The following SYNE2 variants were observed in gnomAD, a reference collection of about 807,000 sequenced individuals.
SYNE2 encodes the protein nesprin-2.
A neutral mutation model predicts 856.3 loss-of-function variants in SYNE2; 431 were observed. That is an observed-to-expected ratio of 0.50 (90% confidence interval 0.47 to 0.55). The LOEUF (loss-of-function observed/expected upper bound fraction) is 0.55, where lower values mean the gene tolerates loss of function less well. SYNE2 is among the 20% of genes least tolerant of loss of function. The pLI, the probability that SYNE2 is intolerant of heterozygous loss-of-function variation, is 0.00. For missense variants in SYNE2, 8,129 were observed against 8,023.2 expected (o/e 1.01, Z -0.50); for synonymous variants, 2,923 against 2,872.3 (o/e 1.02, Z -0.56).
rs576146192 is a variant in SYNE2 at position 63,934,755 on chromosome 14, G to C, written c.80-5859G>C. Among the ~76,000 whole-genome samples the C allele has an allele frequency of 5.3e-5, 8 of 152,158 alleles. No homozygotes were observed. The South Asian group carries it at 1.7e-3, about 32-fold the overall frequency. ...GTCTCTTGGACCTGATACTATTGCT[G>C]ATTAGTTTCTTTTTTACACCTTATC... On this transcript the variant is annotated intron_variant, in intron 2 of 115. Coordinates refer to ENST00000555002, the MANE Select transcript of SYNE2 (RefSeq NM_182914.3).
chr14:64,050,137 G>A (rs750493667), intron 47 of SYNE2, among the ~76,000 whole-genome samples: 9 of 152,338 alleles, frequency 5.9e-5, no homozygotes, highest in Non-Finnish European at 1.2e-4. Flanking sequence ...GGCAGCAGAA[G>A]ATTCAGCATC....
chr14:64,129,046 G>A (rs563075569), intron 74 of SYNE2, among the ~76,000 whole-genome samples: 233 of 152,212 alleles, frequency 1.5e-3, no homozygotes, highest in Non-Finnish European at 2.4e-3. Context: ...GGTGGCTCAC[G>A]CCTGTAATCC....
intron 1 of SYNE2, among the ~76,000 whole-genome samples, chr14:63,821,285 A>C (rs1347140892): frequency 1.3e-5 from 2 of 152,194 alleles, no homozygotes; most frequent in Non-Finnish European, 2.9e-5. Flanking sequence ...GATCTATTAA[A>C]GTTAATTTCA....
intron 2 of SYNE2, among the ~76,000 whole-genome samples, chr14:63,930,316 G>A (rs1005363441): frequency 6.6e-6 from 1 of 150,438 alleles, no homozygotes; most frequent in Non-Finnish European, 1.5e-5. Flanking sequence ...TGAGATGGTT[G>A]TACAGCTTTG....
chr14:64,001,215 C>T (rs1470093504), intron 28 of SYNE2, among the ~76,000 whole-genome samples: 1 of 152,058 alleles, frequency 6.6e-6, no homozygotes, highest in Non-Finnish European at 1.5e-5. Context: ...ATTCTTTGGA[C>T]CCCATTATAT....
chr14:63,797,623 G>A (rs2139785687), intron 1 of SYNE2, among the ~76,000 whole-genome samples: 1 of 152,282 alleles, frequency 6.6e-6, no homozygotes, highest in East Asian at 1.9e-4. Context: ...TGTATTTTCA[G>A]TAGAGACGGG....
At chr14:64,102,087 AG>A in intron 64 of SYNE2, 45 bp downstream of exon 64, 8 of 1,309,990 alleles carry the variant, frequency 6.1e-6, no homozygotes, top group East Asian at 2.3e-5. Context: ...ACGAGGGCCC[AG>A]GGGGGAGCAG....
chr14:64,079,034 T>C lies in SYNE2; in HGVS notation c.11163+428T>C, dbSNP rs140873984. Among the ~76,000 whole-genome samples, 830 of 152,286 alleles carry C rather than the reference T, an allele frequency of 5.5e-3. 10 individuals carry two copies. The highest frequency in any genetic ancestry group is 0.019 in the African/African-American group (810 of 41,548). ...TTGCAATGAGCCGAGATCATGTCACTGCACTCCAGTGTGGGTGACAGAGTG... is the reference window on the plus strand; with the variant it reads ...TTGCAATGAGCCGAGATCATGTCACCGCACTCCAGTGTGGGTGACAGAGTG... On this transcript the variant is annotated intron_variant, in intron 55 of 115. Coordinates refer to ENST00000555002, the MANE Select transcript of SYNE2 (RefSeq NM_182914.3).
intron 45 of SYNE2, among the ~76,000 whole-genome samples, chr14:64,035,780 G>T (rs2097083600): frequency 6.6e-6 from 1 of 151,746 alleles, no homozygotes; most frequent in Non-Finnish European, 1.5e-5. Context: ...CTGCAGCCTT[G>T]AGTTCCTAAC....
At chr14:64,038,877 G>A (rs548734004) in intron 45 of SYNE2, among the ~76,000 whole-genome samples, 1 of 70,012 alleles carries the variant, frequency 1.4e-5, no homozygotes, top group Non-Finnish European at 3.9e-5. Flanking sequence ...AGAGGGAGAG[G>A]GAGAGGGAGA....
At chr14:64,100,505 A>T (rs2097713105) in intron 63 of SYNE2, 1 of 98,080 alleles carries the variant, frequency 1.0e-5, no homozygotes, top group African/African-American at 4.2e-5. Flanking sequence ...GACAAGAGCA[A>T]AACTGTCTCA....
chr14:63,959,591 G>A (rs892573999), intron 8 of SYNE2, among the ~76,000 whole-genome samples: 4 of 151,968 alleles, frequency 2.6e-5, no homozygotes, highest in African/African-American at 7.3e-5. Flanking sequence ...GCCACCGTAC[G>A]TGGCCTGCCT....
At chr14:63,944,824 CT>C (rs55906748) in intron 6 of SYNE2, among the ~76,000 whole-genome samples, 85 of 46,942 alleles carry the variant, frequency 1.8e-3, no homozygotes, top group East Asian at 4.1e-3. Flanking sequence ...GGGCTTAAAG[CT>C]TTTTTTTTTT....
At chr14:64,122,221 C>G in intron 69 of SYNE2, 65 bp from the exon 70 acceptor site, 1 of 1,613,898 alleles carries the variant, frequency 6.2e-7, no homozygotes, top group Middle Eastern at 1.6e-4. Context: ...GCTCATAGAA[C>G]TGTGAATGTA....
intron 105 of SYNE2, among the ~76,000 whole-genome samples, chr14:64,213,833 C>G (rs994179558): frequency 6.6e-6 from 1 of 152,166 alleles, no homozygotes; most frequent in East Asian, 1.9e-4. Context: ...ATTCAAATGT[C>G]CTTTTCAAAA....
chr14:64,130,282 A>T, intron 76 of SYNE2, 34 bp downstream of exon 76: 1 of 1,539,594 alleles, frequency 6.5e-7, no homozygotes, highest in Non-Finnish European at 8.9e-7. Flanking sequence ...TGACCCCTTC[A>T]TAGACTAAAA....
rs369808458 is a variant in SYNE2, at chr14:64,219,124, T to TTTTTTTTTTTA, written c.19658-84_19658-83insTTTTTTTTTTA. ...TTTTTGTTTTTTTTTTTTTTTTTTT[T>TTTTTTTTTTTA]AACCACCCTGACCCCTAATTAGCTG... On this transcript the variant is annotated intron_variant, in intron 109 of 115. Coordinates refer to ENST00000555002, the MANE Select transcript of SYNE2 (RefSeq NM_182914.3). 3.0e-5 allele frequency: 25 copies of TTTTTTTTTTTA among 846,458 alleles called. 1 individual carries two copies. The highest frequency in any genetic ancestry group is 9.1e-5 in the East Asian group (3 of 32,806). 52.4% of individuals were successfully genotyped at this position (846,458 alleles called of 1,614,324 possible).
chr14:63,804,668 T>A (rs541819940), intron 1 of SYNE2, among the ~76,000 whole-genome samples: 20 of 152,240 alleles, frequency 1.3e-4, no homozygotes, highest in African/African-American at 4.6e-4. Flanking sequence ...TAACTTTGTA[T>A]TCTTAGTAGA....
intron 1 of SYNE2, among the ~76,000 whole-genome samples, chr14:63,785,052 C>T (rs186689058): frequency 6.6e-6 from 1 of 152,158 alleles, no homozygotes; most frequent in East Asian, 1.9e-4. Context: ...AAAACAAACC[C>T]TCTTGTATTG....
Sources: allele counts gnomAD v4.1 joint callset (sites outside exome capture counted in the v4.1 genomes callset), GRCh38; gene constraint gnomAD v4.1.1; transcripts MANE v1.5; gene names NCBI Gene and HGNC (gene_info 2026-07-23, HGNC 2026-07-21).